Variants in ACSM1 observed in about 807,000 individuals in gnomAD.
The protein encoded by ACSM1 is acyl-coenzyme A synthetase ACSM1, mitochondrial.
In ACSM1, 79 loss-of-function variants were observed where a neutral mutation model predicts 75.8. The observed-to-expected ratio is 1.04, with a 90% CI of 0.87 to 1.26. The LOEUF is 1.26. ACSM1 is among the 50% of genes most tolerant of loss of function. The pLI is 0.00. For missense variants in ACSM1, 676 were observed against 720.1 expected, an observed-to-expected ratio of 0.94 and a Z score of 0.70; for synonymous variants, 279 against 265.8, an observed-to-expected ratio of 1.05 and a Z score of -0.48.
intron 6 of ACSM1, among the ~76,000 whole-genome samples, chr16:20,666,354 A>C (rs1439300982): frequency 1.3e-5 from 2 of 152,172 alleles, no homozygotes; most frequent in East Asian, 1.9e-4. Context: ...TGACAGTCAA[A>C]TCAAGAACAC....
rs1175108254 is a variant in ACSM1 at position 20,671,522 on chromosome 16, C to T, written c.752+9G>A. 6.2e-7 allele frequency: 1 copy of T among 1,601,584 alleles called. No homozygotes were observed. Among genetic ancestry groups the T allele is most frequent in the Non-Finnish European group, 8.5e-7 (1 of 1,174,312 alleles). On this transcript the variant is annotated intron_variant, in intron 5 of 13. Coordinates refer to ENST00000520010, the MANE Select transcript of ACSM1 (RefSeq NM_001318890.3). Reference sequence around the variant, plus strand: ...GGTCCAGCCTCTATGTCGGTGCCCTCTTTCCTACCTTCCTGGGAAGGAGGG... The same window carrying T: ...GGTCCAGCCTCTATGTCGGTGCCCTTTTTCCTACCTTCCTGGGAAGGAGGG...
At position 20,690,857 on chromosome 16, in the gene ACSM1, T is replaced by C; in HGVS notation, c.192+140A>G. Reference sequence around the variant, plus strand: ...AATGGCCAGGCTGGGAATAGAACCTTGAAATATAAGCTTCTTCCACAACAC... The same window carrying C: ...AATGGCCAGGCTGGGAATAGAACCTCGAAATATAAGCTTCTTCCACAACAC... On this transcript the variant is annotated intron_variant, in intron 2 of 13. Coordinates refer to ENST00000520010, the MANE Select transcript of ACSM1 (RefSeq NM_001318890.3). The C allele has an allele frequency of 5.1e-6, 4 of 783,292 alleles. No individual in the cohort carries two copies. In the East Asian group the frequency reaches 1.2e-4, roughly 24 times the overall value. The allele number at this position is 783,292 out of a possible 1,614,324, so 48.5% of individuals were successfully genotyped here. A position where few individuals can be genotyped will look rare whatever the true frequency, so the allele number is the denominator to read the frequency against.
intron 7 of ACSM1, among the ~76,000 whole-genome samples, chr16:20,640,826 T>C (rs532421497): frequency 1.3e-5 from 2 of 152,324 alleles, no homozygotes; most frequent in Non-Finnish European, 2.9e-5. Context: ...TTGGGAATGT[T>C]TGGATTAAAT....
At chr16:20,640,820 GA>G (rs2018012225) in intron 7 of ACSM1, among the ~76,000 whole-genome samples, 1 of 152,238 alleles carries the variant, frequency 6.6e-6, no homozygotes, top group Non-Finnish European at 1.5e-5. Context: ...GTTCAATTGG[GA>G]ATGTTTGGAT....
chr16:20,644,188 T>G (rs1374534565), intron 7 of ACSM1, among the ~76,000 whole-genome samples: 1 of 152,218 alleles, frequency 6.6e-6, no homozygotes, highest in African/African-American at 2.4e-5. Context: ...CCTAACCAAG[T>G]AACCCACAGA....
intron 7 of ACSM1, among the ~76,000 whole-genome samples, chr16:20,659,091 T>G (rs979379227): frequency 2.0e-5 from 3 of 152,152 alleles, no homozygotes; most frequent in Admixed American, 6.5e-5. Flanking sequence ...AATTAAAGAC[T>G]CAGATCATGA....
At chr16:20,672,074 A>C (rs1248824492) in intron 4 of ACSM1, among the ~76,000 whole-genome samples, 1 of 152,024 alleles carries the variant, frequency 6.6e-6, no homozygotes, top group Non-Finnish European at 1.5e-5. Flanking sequence ...TACTCTAATC[A>C]TGCCCATTTT....
intron 10 of ACSM1, among the ~76,000 whole-genome samples, 155 bp downstream of exon 10, chr16:20,636,584 G>C (rs1040780497): frequency 6.6e-6 from 1 of 152,198 alleles, no homozygotes; most frequent in South Asian, 2.1e-4. Context: ...AGACAGGAAA[G>C]GATGGGAGAA....
At chr16:20,638,885 T>G (rs1361206194) in intron 8 of ACSM1, among the ~76,000 whole-genome samples, 1 of 152,144 alleles carries the variant, frequency 6.6e-6, no homozygotes, top group African/African-American at 2.4e-5. Context: ...GAGTCGTGGG[T>G]GGAGTGTGTC....
chr16:20,635,227 T>C (rs1184434682), intron 10 of ACSM1, among the ~76,000 whole-genome samples: 3 of 152,034 alleles, frequency 2.0e-5, no homozygotes, highest in African/African-American at 7.3e-5. Flanking sequence ...AGACCTTATC[T>C]CTACAAAAAA....
At chr16:20,662,294 G>A (rs1248117263) in intron 6 of ACSM1, among the ~76,000 whole-genome samples, 2 of 152,108 alleles carry the variant, frequency 1.3e-5, no homozygotes, top group Non-Finnish European at 2.9e-5. Flanking sequence ...CTACAGGCAG[G>A]GAGAGTGGGA....
chr16:20,656,993 T>C (rs1431193995), intron 7 of ACSM1, among the ~76,000 whole-genome samples: 1 of 151,934 alleles, frequency 6.6e-6, no homozygotes, highest in African/African-American at 2.4e-5. Flanking sequence ...ACCACAAACA[T>C]TTTCTGCTTC....
rs756142236 is a variant in ACSM1, at chr16:20,661,851, T to A, written c.935A>T (p.Asn312Ile). 10 of 1,607,378 alleles carry A rather than the reference T, an allele frequency of 6.2e-6. No individual in the cohort carries two copies. The Admixed American group carries it at 1.5e-4, about 24-fold the overall frequency. Residue 312 changes from asparagine to isoleucine, a missense_variant, in exon 7 of 14, where the codon AAC becomes ATC. Transcript: ENST00000520010. ...IIQTLLKYPINHFWGVSSIYR... is the reference protein window; with the variant it reads ...IIQTLLKYPIIHFWGVSSIYR... ...TATAGATGATACCCCCCAAAAGTGG[T>A]TAATGGGGTATTTCAACAATGTCTG...
chr16:20,635,580 T>TTTC (rs2017621916), intron 10 of ACSM1, among the ~76,000 whole-genome samples: 41 of 124,604 alleles, frequency 3.3e-4, no homozygotes, highest in Non-Finnish European at 6.2e-4. Context: ...TAATTTTTCT[T>TTTC]TTTCTTTCTT....
In ACSM1 at chr16:20,624,177, C is replaced by G; in HGVS notation, c.1566G>C (p.Leu522=). Residue 522 remains leucine (L), a synonymous_variant, in exon 13 of 14, where the codon CTG becomes CTC. Transcript: ENST00000520010. ...TGGTCAGCTGATCCTTGTCATGGGACAGGAACTGTGGGGTCAGGACAATAA... is the reference window on the plus strand; with the variant it reads ...TGGTCAGCTGATCCTTGTCATGGGAGAGGAACTGTGGGGTCAGGACAATAA... ...KAFIVLTPQF[L]SHDKDQLTKE... is the part of the protein sequence containing the mutation. 1 of 1,613,068 alleles carries G rather than the reference C, an allele frequency of 6.2e-7. No homozygotes were observed. The highest frequency in any genetic ancestry group is 8.5e-7 in the Non-Finnish European group (1 of 1,179,304).
intron 7 of ACSM1, among the ~76,000 whole-genome samples, chr16:20,646,450 A>C (rs1232794599): frequency 4.6e-5 from 7 of 152,050 alleles, no homozygotes; most frequent in Non-Finnish European, 1.0e-4. Flanking sequence ...GGTATGCTTG[A>C]CCATTGAGGG....
At chr16:20,667,792 C>A (rs1371714047) in intron 6 of ACSM1, among the ~76,000 whole-genome samples, 2 of 152,140 alleles carry the variant, frequency 1.3e-5, no homozygotes, top group Non-Finnish European at 2.9e-5. Flanking sequence ...AAATGTGCTA[C>A]ATATACACCA....
chr16:20,671,593 T>A lies in ACSM1; in HGVS notation c.690A>T (p.Thr230=). The A allele has an allele frequency of 1.2e-6, 2 of 1,613,900 alleles. No individual in the cohort carries two copies. The highest frequency in any genetic ancestry group is 1.7e-6 in the Non-Finnish European group (2 of 1,179,886). ...AGTGTTTTGCCATCTTGGGGAAGCC[T>A]GTGGTCCCACTGGTGAAGAAGATGA... ...PMVIFFTSGT[T]GFPKMAKHSH... The change falls in exon 5 of 14, where the codon ACA becomes ACT. Residue 230 remains threonine (T), a synonymous_variant. Transcript: ENST00000520010.
chr16:20,627,977 G>A (rs2017093768), intron 10 of ACSM1, among the ~76,000 whole-genome samples: 1 of 142,122 alleles, frequency 7.0e-6, no homozygotes, highest in Admixed American at 7.3e-5. Flanking sequence ...TGTGAACCTT[G>A]CTTACTGCTA....
Sources: allele counts gnomAD v4.1 joint callset (sites outside exome capture counted in the v4.1 genomes callset), GRCh38; gene constraint gnomAD v4.1.1; transcripts MANE v1.5; gene names NCBI Gene and HGNC (gene_info 2026-07-23, HGNC 2026-07-21).